The following SOX5 variants were observed in gnomAD, a reference collection of about 807,000 sequenced individuals.
SOX5 encodes the protein transcription factor SOX-5.
In SOX5, 9 loss-of-function variants were observed where a neutral mutation model predicts 92.0. That is an observed-to-expected ratio of 0.10 (90% CI 0.06 to 0.17). The LOEUF (loss-of-function observed/expected upper bound fraction) is 0.17. SOX5 is among the 10% of genes least tolerant of loss of function. The pLI, the probability that SOX5 is intolerant of heterozygous loss-of-function variation, is 1.00. For synonymous variants in SOX5, 344 were observed against 336.3 expected, an observed-to-expected ratio of 1.02 and a Z score of -0.25; for missense variants, 642 against 944.5, an observed-to-expected ratio of 0.68 and a Z score of 4.20.
Position 24,133,581 on chromosome 12 carries a change from A to AG in SOX5, c.-2+79761dup, listed in dbSNP as rs770897843. 2.0e-5 allele frequency among the ~76,000 whole-genome samples: 3 copies of AG among 152,058 alleles called. No homozygotes were observed. The South Asian group carries it at 6.2e-4, about 31-fold the overall frequency. On this transcript the variant is annotated intron_variant, in intron 4 of 4. Transcript: ENST00000446891. ...TGGTGTGCGGCTCTTCAAAGCACAA[A>AG]GGGGGGTGTGGGGGACTGTGGCGGG...
At chr12:23,942,887 C>T (rs1239582646) in intron 1 of SOX5, among the ~76,000 whole-genome samples, 1 of 152,002 alleles carries the variant, frequency 6.6e-6, no homozygotes, top group Non-Finnish European at 1.5e-5. Context: ...TGTTTTTTAA[C>T]ATTTTCTTTT....
At chr12:24,135,219 T>C (rs1909355) in intron 4 of SOX5, among the ~76,000 whole-genome samples, 136,193 of 152,232 alleles carry the variant, frequency 0.89, 61,146 homozygotes, top group Non-Finnish European at 0.93. Context: ...ATTATGACAG[T>C]ATCCAATCAC....
chr12:24,160,516 C>T (rs4131755), intron 4 of SOX5, among the ~76,000 whole-genome samples: 63,963 of 151,706 alleles, frequency 0.42, 13,935 homozygotes, highest in Middle Eastern at 0.47. Context: ...AGAAAGATCA[C>T]TCCATTGGCA....
chr12:24,361,627 G>C (rs1479228970), intron 2 of SOX5, among the ~76,000 whole-genome samples: 1 of 151,688 alleles, frequency 6.6e-6, no homozygotes, highest in Non-Finnish European at 1.5e-5. Flanking sequence ...GTGTGTGTGT[G>C]TGTGTGCGCA....
intron 5 of SOX5, among the ~76,000 whole-genome samples, chr12:23,739,550 C>A (rs1482086663): frequency 6.6e-6 from 1 of 152,164 alleles, no homozygotes; most frequent in Non-Finnish European, 1.5e-5. Context: ...TATGACATTG[C>A]ACTCCTGGCC....
At chr12:24,395,792 A>G (rs896529437) in intron 1 of SOX5, among the ~76,000 whole-genome samples, 8 of 152,144 alleles carry the variant, frequency 5.3e-5, no homozygotes, top group Non-Finnish European at 8.8e-5. Flanking sequence ...CTAATCTTCT[A>G]GAAGTCTCTA....
chr12:24,555,232 G>C (rs146728543), intron 1 of SOX5, among the ~76,000 whole-genome samples: 3 of 152,314 alleles, frequency 2.0e-5, no homozygotes, highest in Non-Finnish European at 2.9e-5. Context: ...CCAGTGCGTT[G>C]CTACTCAACT....
chr12:24,458,169 T>A (rs2137436932), intron 1 of SOX5, among the ~76,000 whole-genome samples: 1 of 152,330 alleles, frequency 6.6e-6, no homozygotes, highest in Non-Finnish European at 1.5e-5. Context: ...TTTTTTTAAA[T>A]TTGTTAAATC....
chr12:24,135,153 G>A (rs901190576), intron 4 of SOX5, among the ~76,000 whole-genome samples: 10 of 152,020 alleles, frequency 6.6e-5, no homozygotes, highest in Admixed American at 2.0e-4. Flanking sequence ...GACCTGCTCC[G>A]CTATTTTCAT....
chr12:24,496,974 A>G (rs137961492), intron 1 of SOX5, among the ~76,000 whole-genome samples: 3 of 152,312 alleles, frequency 2.0e-5, no homozygotes, highest in Admixed American at 2.0e-4. Flanking sequence ...TATGACACAG[A>G]GCTGTCCTAG....
chr12:23,558,324 C>A (rs1945596725), intron 11 of SOX5, among the ~76,000 whole-genome samples: 1 of 152,108 alleles, frequency 6.6e-6, no homozygotes, highest in Non-Finnish European at 1.5e-5. Flanking sequence ...TCATATAACC[C>A]AGTTCTAGCC....
chr12:23,820,914 T>A (rs1399861327), intron 3 of SOX5, among the ~76,000 whole-genome samples: 3 of 152,202 alleles, frequency 2.0e-5, no homozygotes, highest in Non-Finnish European at 2.9e-5. Flanking sequence ...GGGCTCTTTT[T>A]GAGTTCCATA....
intron 1 of SOX5, among the ~76,000 whole-genome samples, chr12:24,499,544 A>G (rs1347879973): frequency 6.6e-6 from 1 of 152,244 alleles, no homozygotes; most frequent in African/African-American, 2.4e-5. Flanking sequence ...ATGTGGGACA[A>G]GTAGATTGAG....
intron 2 of SOX5, among the ~76,000 whole-genome samples, chr12:24,351,495 A>G (rs534264229): frequency 2.2e-4 from 34 of 152,368 alleles, no homozygotes; most frequent in African/African-American, 8.2e-4. Context: ...GTGCCAGATC[A>G]TTAGCAGTTT....
At chr12:24,561,104 T>C (rs1433065870) in intron 1 of SOX5, among the ~76,000 whole-genome samples, 1 of 152,186 alleles carries the variant, frequency 6.6e-6, no homozygotes, top group African/African-American at 2.4e-5. Flanking sequence ...CTTGACAAAG[T>C]CCTTTGGCTA....
At chr12:23,944,276 C>T (rs1944176554) in intron 1 of SOX5, 1 of 152,088 alleles carries the variant, frequency 6.6e-6, no homozygotes, top group Non-Finnish European at 1.5e-5. Flanking sequence ...CTTTGAGTCT[C>T]TGACTCCTCA....
intron 2 of SOX5, among the ~76,000 whole-genome samples, chr12:24,361,480 A>T (rs1955544559): frequency 6.6e-6 from 1 of 152,166 alleles, no homozygotes; most frequent in African/African-American, 2.4e-5. Context: ...TAGGAGGCTT[A>T]AATTATATAA....
intron 3 of SOX5, among the ~76,000 whole-genome samples, chr12:23,764,547 A>T: frequency 6.6e-6 from 1 of 152,100 alleles, no homozygotes; most frequent in East Asian, 1.9e-4. Context: ...ATGCCTACTG[A>T]TATATTTAAG....
At chr12:23,887,341 G>T (rs1006812634) in intron 2 of SOX5, among the ~76,000 whole-genome samples, 2 of 152,078 alleles carry the variant, frequency 1.3e-5, no homozygotes, top group East Asian at 3.8e-4. Flanking sequence ...CAAATTGAAA[G>T]AAAGAGGAAA....
Sources: gnomAD v4.1 joint callset for allele counts (sites outside exome capture counted in the v4.1 genomes callset) on GRCh38, gnomAD v4.1.1 for gene constraint, MANE v1.5 for transcripts, NCBI Gene and HGNC (gene_info 2026-07-23, HGNC 2026-07-21) for gene names.